Variants in RBFOX1 observed in about 807,000 individuals in gnomAD.
RBFOX1 encodes RNA binding protein fox-1 homolog 1.
RBFOX1 carries 8 observed loss-of-function variants against 57.7 expected under a neutral mutation model. The observed-to-expected ratio is 0.14, with a 90% confidence interval of 0.08 to 0.25. The LOEUF (loss-of-function observed/expected upper bound fraction) is 0.25, where lower values mean the gene tolerates loss of function less well. Among genes scored for constraint, RBFOX1 ranks in the 10% least tolerant of loss-of-function variants. RBFOX1 has a pLI of 1.00. For synonymous variants in RBFOX1, 326 were observed against 222.4 expected (o/e 1.47, Z -4.15); for missense variants, 611 against 548.5 (o/e 1.11, Z -1.14).
intron 1 of RBFOX1, among the ~76,000 whole-genome samples, chr16:6,288,109 G>C (rs989456356): frequency 1.3e-5 from 2 of 152,114 alleles, no homozygotes; most frequent in African/African-American, 2.4e-5. Flanking sequence ...GCAGCATCCA[G>C]GTGAGATGTG....
intron 1 of RBFOX1, among the ~76,000 whole-genome samples, chr16:6,165,012 A>G (rs2096906929): frequency 6.6e-6 from 1 of 152,178 alleles, no homozygotes. Context: ...ATTTAATATT[A>G]TATAAAACAC....
At chr16:5,381,666 C>T (rs2066134677) in intron 1 of RBFOX1, among the ~76,000 whole-genome samples, 1 of 152,200 alleles carries the variant, frequency 6.6e-6, no homozygotes, top group African/African-American at 2.4e-5. Context: ...AATGCACAGG[C>T]AGACTCTTGG....
chr16:6,928,472 T>A (rs918647582), intron 3 of RBFOX1, among the ~76,000 whole-genome samples: 3 of 152,152 alleles, frequency 2.0e-5, no homozygotes, highest in African/African-American at 7.2e-5. Context: ...GAAAGAACGT[T>A]CAACTCAGAA....
At position 5,904,230 on chromosome 16, in the gene RBFOX1, C is replaced by G. The variant is rs549228150; in HGVS notation, c.351+36895C>G. On this transcript the variant is annotated intron_variant, in intron 4 of 19. Coordinates refer to the RBFOX1 transcript ENST00000641259. ...ATCTCGGCAAGCCTTGAAATTCTTC[C>G]CACTGTGAAAAACTAATTTTCTGTG... Among the ~76,000 whole-genome samples the G allele has an allele frequency of 5.3e-5, 8 of 152,118 alleles. No individual in the cohort carries two copies. In the East Asian group the frequency reaches 1.6e-3, roughly 30 times the overall value.
At chr16:6,824,845 A>C (rs7190252) in intron 3 of RBFOX1, among the ~76,000 whole-genome samples, 4,122 of 152,062 alleles carry the variant, frequency 0.027, 193 homozygotes, top group African/African-American at 0.095. Flanking sequence ...GATTGGAAAG[A>C]AACACTATTA....
intron 2 of RBFOX1, among the ~76,000 whole-genome samples, chr16:6,385,520 C>G (rs562486718): frequency 2.0e-5 from 3 of 152,180 alleles, no homozygotes; most frequent in African/African-American, 7.2e-5. Context: ...CCACCACACC[C>G]GGATAATTTT....
chr16:7,272,503 C>G (rs930730177), intron 4 of RBFOX1, among the ~76,000 whole-genome samples: 2 of 152,172 alleles, frequency 1.3e-5, no homozygotes, highest in Admixed American at 1.3e-4. Flanking sequence ...CTAGTTTAGA[C>G]ATATATGTTG....
intron 3 of RBFOX1, among the ~76,000 whole-genome samples, chr16:6,995,401 T>C (rs1008614006): frequency 6.6e-6 from 1 of 151,844 alleles, no homozygotes; most frequent in African/African-American, 2.4e-5. Flanking sequence ...TTTATTATTG[T>C]GACGTGTGAT....
At chr16:5,508,085 T>C (rs983705860) in intron 2 of RBFOX1, among the ~76,000 whole-genome samples, 1 of 152,230 alleles carries the variant, frequency 6.6e-6, no homozygotes, top group Admixed American at 6.5e-5. Context: ...TCTGACATGC[T>C]AGTTTTCTAT....
In RBFOX1 at chr16:5,323,598, G is replaced by T. The variant is rs1000725856; in HGVS notation, c.219+83493G>T. Among the ~76,000 whole-genome samples, 4 of 152,338 alleles carry T rather than the reference G, an allele frequency of 2.6e-5. No homozygotes were observed. In the East Asian group the frequency reaches 7.7e-4, roughly 29 times the overall value. Reference sequence around the variant, plus strand: ...TTAATTAGACATTTCAGAAGAGATCGACTTTTAAAGCAATAGCTTCATTAG... The same window carrying T: ...TTAATTAGACATTTCAGAAGAGATCTACTTTTAAAGCAATAGCTTCATTAG... On this transcript the variant is annotated intron_variant, in intron 1 of 2. Transcript: ENST00000585867.
chr16:6,019,268 C>T lies in RBFOX1; in HGVS notation c.-851C>T. The T allele has an allele frequency of 1.0e-6, 1 of 985,344 alleles. No homozygotes were observed. Among genetic ancestry groups the T allele is most frequent in the East Asian group, 1.1e-4 (1 of 8,718 alleles). The allele number at this position is 985,344 out of a possible 1,614,324, so 61.0% of individuals were successfully genotyped here. ...CTCCCTCGATCACCCCAGCCCCCTT[C>T]CTGGTCTCCCGAGCGCGGGGTTTGA... is the stretch of plus-strand genomic sequence containing the variant. On this transcript the variant is annotated 5_prime_UTR_variant, in exon 1 of 16. Coordinates refer to ENST00000550418, the MANE Select transcript of RBFOX1 (RefSeq NM_018723.4). The surrounding 1 kb of genome is among the most constrained non-coding windows in gnomAD (Gnocchi z 4.2).
chr16:6,547,941 T>C (rs763033427), intron 2 of RBFOX1, among the ~76,000 whole-genome samples: 10 of 152,180 alleles, frequency 6.6e-5, no homozygotes, highest in Non-Finnish European at 7.4e-5. Context: ...GAAAGACCCT[T>C]AGCTGGGAAA....
chr16:7,004,478 C>G (rs78273306), intron 3 of RBFOX1, among the ~76,000 whole-genome samples: 5,808 of 152,154 alleles, frequency 0.038, 376 homozygotes, highest in African/African-American at 0.13. Flanking sequence ...TGGAGCCCAG[C>G]CCAGGTTTGG....
At chr16:6,017,308 A>G (rs1464899394), upstream of RBFOX1, among the ~76,000 whole-genome samples, 1 of 152,222 alleles carries the variant, frequency 6.6e-6, no homozygotes, top group East Asian at 1.9e-4. Context: ...GTTAACTGCC[A>G]TTTATTTCTT....
intron 14 of RBFOX1, among the ~76,000 whole-genome samples, chr16:7,690,818 G>C (rs909923500): frequency 1.2e-4 from 18 of 152,064 alleles, no homozygotes; most frequent in Non-Finnish European, 2.6e-4. Flanking sequence ...TAATGTTCAA[G>C]GTGAAACAGC....
chr16:7,011,592 C>T (rs570100667), intron 3 of RBFOX1, among the ~76,000 whole-genome samples: 7 of 152,306 alleles, frequency 4.6e-5, no homozygotes, highest in African/African-American at 1.7e-4. Flanking sequence ...CGGCTCACTG[C>T]AAGCTCCGCA....
chr16:7,677,682 G>T (rs762839698), intron 14 of RBFOX1, among the ~76,000 whole-genome samples: 5 of 152,198 alleles, frequency 3.3e-5, no homozygotes, highest in African/African-American at 1.2e-4. Flanking sequence ...ACATAAATGT[G>T]AATGTTCAGA....
chr16:7,483,275 A>G (rs1297024668), intron 4 of RBFOX1, among the ~76,000 whole-genome samples: 2 of 152,200 alleles, frequency 1.3e-5, no homozygotes, highest in African/African-American at 2.4e-5. Flanking sequence ...TCGTTGCAAT[A>G]CTTGGGTTCT....
At chr16:6,708,819 T>C (rs569797215) in intron 3 of RBFOX1, among the ~76,000 whole-genome samples, 1 of 152,274 alleles carries the variant, frequency 6.6e-6, no homozygotes, top group Non-Finnish European at 1.5e-5. Flanking sequence ...TTACTCCCTG[T>C]GAGCTTGAGA....
Sources: allele counts gnomAD v4.1 joint callset (sites outside exome capture counted in the v4.1 genomes callset), GRCh38; gene constraint gnomAD v4.1.1; non-coding constraint Gnocchi (gnomAD v3.1); transcripts MANE v1.5; gene names NCBI Gene and HGNC (gene_info 2026-07-23, HGNC 2026-07-21).